Variants in CCDC80 observed in about 807,000 individuals in gnomAD.
CCDC80 encodes the protein coiled-coil domain containing 80.
Under a neutral mutation model 78.7 loss-of-function variants are expected in CCDC80, and 49 were observed. The observed-to-expected ratio is 0.62, with a 90% CI of 0.50 to 0.79. The LOEUF (loss-of-function observed/expected upper bound fraction) is 0.79. Ranked by LOEUF, CCDC80 falls within the 30% of genes least tolerant of loss-of-function variation. The pLI, the probability that CCDC80 is intolerant of heterozygous loss-of-function variation, is 0.00. For synonymous variants in CCDC80, 488 were observed against 447.0 expected (o/e 1.09, Z -1.16); for missense variants, 1,205 against 1,198.6 (o/e 1.01, Z -0.08).
chr3:112,610,703 C>T (rs1935605633), intron 5 of CCDC80, among the ~76,000 whole-genome samples: 1 of 111,564 alleles, frequency 9.0e-6, no homozygotes. Context: ...TATTAATAAG[C>T]GCCAATGCTT....
intron 4 of CCDC80, among the ~76,000 whole-genome samples, chr3:112,617,165 C>G (rs1427079122): frequency 1.3e-5 from 2 of 152,168 alleles, no homozygotes; most frequent in Non-Finnish European, 2.9e-5. Flanking sequence ...TGGGACTAAG[C>G]TGGTTCTTAT....
At chr3:112,622,526 G>A (rs1237692424) in intron 3 of CCDC80, among the ~76,000 whole-genome samples, 1 of 152,146 alleles carries the variant, frequency 6.6e-6, no homozygotes, top group Non-Finnish European at 1.5e-5. Context: ...CAGTGTTGAG[G>A]TTCTCTTTAG....
At position 112,638,911 on chromosome 3, in the gene CCDC80, C is replaced by T; in HGVS notation, c.995G>A (p.Arg332Lys). Residue 332 changes from arginine to lysine, a missense_variant, in exon 2 of 8, where the codon AGA (arginine) becomes AAA (lysine). Arg to Lys is a conservative substitution (Grantham distance 26). Transcript: ENST00000206423. ...PTRESRVKVLRKLAATAPALP... is the reference protein window; with the variant it reads ...PTRESRVKVLKKLAATAPALP... ...AGCTGGTGCAGTGGCGGCCAGTTTT[C>T]TCAGGACCTTCACCCGACTCTCTCT... The T allele has an allele frequency of 6.2e-7, 1 of 1,613,336 alleles. No individual in the cohort carries two copies.
chr3:112,630,625 T>G (rs553757844), intron 2 of CCDC80, among the ~76,000 whole-genome samples: 1 of 152,360 alleles, frequency 6.6e-6, no homozygotes, highest in South Asian at 2.1e-4. Flanking sequence ...AATGTTATTT[T>G]CCTTCCCTAA....
intron 3 of CCDC80, among the ~76,000 whole-genome samples, chr3:112,622,179 G>T (rs1003904321): frequency 6.6e-6 from 1 of 152,126 alleles, no homozygotes; most frequent in African/African-American, 2.4e-5. Flanking sequence ...AAGATTAAAG[G>T]CAAACTTTGC....
chr3:112,617,659 A>G (rs1417601663), intron 4 of CCDC80, among the ~76,000 whole-genome samples: 1 of 152,262 alleles, frequency 6.6e-6, no homozygotes, highest in Non-Finnish European at 1.5e-5. Flanking sequence ...AGATCCAGAA[A>G]TATGTTGCAT....
Position 112,607,175 on chromosome 3 carries a change from C to T in CCDC80, c.2506+1G>A. 1 of 1,605,422 alleles carries T rather than the reference C, an allele frequency of 6.2e-7. No individual in the cohort carries two copies. Among genetic ancestry groups the T allele is most frequent in the Non-Finnish European group, 8.5e-7 (1 of 1,173,600 alleles). ...ACTGTTTCAAGATAACAACACATTA[C>T]CATTAATTGGGAACAGTTCTAACAC... On this transcript the variant is annotated splice_donor_variant, in intron 7 of 7. Transcript: ENST00000206423. LOFTEE classifies it high-confidence loss of function.
chr3:112,609,320 C>T (rs778803804), intron 6 of CCDC80, among the ~76,000 whole-genome samples: 12 of 152,234 alleles, frequency 7.9e-5, no homozygotes, highest in Non-Finnish European at 1.5e-4. Context: ...GTAAATAAAG[C>T]ATATATTCGT....
Position 112,639,024 on chromosome 3 carries a change from C to T in CCDC80, c.882G>A (p.Gly294=). Residue 294 remains glycine, a synonymous_variant, in exon 2 of 8, where the codon GGG becomes GGA. Transcript: ENST00000206423. ...SGVEGQVVAE[G]NDGGGGAGRP... is the part of the protein sequence containing the mutation. The stretch of plus-strand genomic sequence containing the variant: ...TTCCTGCTCCCCCTCCACCGTCATT[C>T]CCCTCCGCCACCACCTGGCCCTCTA... 6.2e-7 allele frequency: 1 copy of T among 1,609,666 alleles called. No homozygotes were observed. Among genetic ancestry groups the T allele is most frequent in the South Asian group, 1.1e-5 (1 of 90,990 alleles).
At chr3:112,609,781 G>GA (rs146917711) in intron 6 of CCDC80, among the ~76,000 whole-genome samples, 197 bp downstream of exon 6, 17,812 of 150,612 alleles carry the variant, frequency 0.12, 1,164 homozygotes, top group South Asian at 0.26. Flanking sequence ...AATATTGAGG[G>GA]AAAAAAAAAT....
At position 112,638,718 on chromosome 3, in the gene CCDC80, G is replaced by C. The variant is rs1936267249; in HGVS notation, c.1188C>G (p.Pro396=). 6.2e-7 allele frequency: 1 copy of C among 1,613,852 alleles called. No individual in the cohort carries two copies. Among genetic ancestry groups the C allele is most frequent in the Admixed American group, 1.7e-5 (1 of 59,998 alleles). ...CAGTGATCACCTCAGTGGTTGTAGG[G>C]GGCCTGTGGGAGGGTGAGGGGGTCC... ...RPWTPSPSHR[P]PTTTEVITAR... Residue 396 remains proline, a synonymous_variant, in exon 2 of 8, where the codon CCC becomes CCG. Coordinates refer to ENST00000206423, the MANE Select transcript of CCDC80 (RefSeq NM_199511.3).
intron 2 of CCDC80, 89 bp from the exon 3 acceptor site, chr3:112,630,358 G>A (rs1008885039): frequency 7.8e-7 from 1 of 1,276,140 alleles, no homozygotes; most frequent in Admixed American, 1.7e-5. Flanking sequence ...GGAAGAGAGG[G>A]CTGGTAGTGA....
rs1331352983 is a variant in CCDC80 at position 112,638,023 on chromosome 3, C to T, written c.1878+5G>A. 1 of 1,588,988 alleles carries T rather than the reference C, an allele frequency of 6.3e-7. No homozygotes were observed. The highest frequency in any genetic ancestry group is 1.9e-5 in the Admixed American group (1 of 53,350). ...TAGAAGAATGCCAAGGAGAAGGCTACTTACAAGGAGTCTTCGTTTGCCTTC... is the reference window on the plus strand; with the variant it reads ...TAGAAGAATGCCAAGGAGAAGGCTATTTACAAGGAGTCTTCGTTTGCCTTC... On this transcript the variant is annotated splice_donor_5th_base_variant and intron_variant, in intron 2 of 7. Coordinates refer to ENST00000206423, the MANE Select transcript of CCDC80 (RefSeq NM_199511.3).
intron 3 of CCDC80, among the ~76,000 whole-genome samples, chr3:112,627,814 C>T (rs1278387968): frequency 6.6e-6 from 1 of 150,616 alleles, no homozygotes; most frequent in Non-Finnish European, 1.5e-5. Context: ...GTCCCGGCTA[C>T]CATTCAGTGA....
At position 112,630,131 on chromosome 3, in the gene CCDC80, T is replaced by C. The variant is rs367752855; in HGVS notation, c.2017A>G (p.Ile673Val). 3.0e-5 allele frequency: 49 copies of C among 1,613,740 alleles called. No homozygotes were observed. The highest frequency in any genetic ancestry group is 3.8e-5 in the Non-Finnish European group (45 of 1,179,834). ...FGPVNNSTMK[I>V]DHFQLDNEKP... ...AGAGAACCTAGCTGAAAGTGGTCGA[T>C]TTTCATGGTGCTGTTGTTGACAGGG... Residue 673 changes from isoleucine (I) to valine (V), a missense_variant, in exon 3 of 8, where the codon ATC becomes GTC. Ile to Val is a conservative substitution (Grantham distance 29). Transcript: ENST00000206423.
Position 112,639,804 on chromosome 3 carries a change from T to C in CCDC80, c.102A>G (p.Gly34=). 6.2e-7 allele frequency: 1 copy of C among 1,614,178 alleles called. No homozygotes were observed. Among genetic ancestry groups the C allele is most frequent in the Non-Finnish European group, 8.5e-7 (1 of 1,180,046 alleles). The change falls in exon 2 of 8, where the codon GGA becomes GGG. Residue 34 remains glycine, a synonymous_variant. Coordinates refer to ENST00000206423, the MANE Select transcript of CCDC80 (RefSeq NM_199511.3). ...GAGAAACCAAAGGCACTTTCCGTCCTCCGTGGCTGCCTCTAATAGTGGCAT... is the reference window on the plus strand; with the variant it reads ...GAGAAACCAAAGGCACTTTCCGTCCCCCGTGGCTGCCTCTAATAGTGGCAT... ...HPHATIRGSH[G]GRKVPLVSPD... is the part of the protein sequence containing the mutation.
chr3:112,627,492 T>C (rs1031135676), intron 3 of CCDC80, among the ~76,000 whole-genome samples: 10 of 152,210 alleles, frequency 6.6e-5, no homozygotes, highest in African/African-American at 2.4e-4. Context: ...GCCCACACTG[T>C]AGTTGGATGT....
At position 112,607,205 on chromosome 3, in the gene CCDC80, C is replaced by G; in HGVS notation, c.2477G>C (p.Gly826Ala). ...AATTGGGAACAGTTCTAACACTCCCCCAACTTCCTCTCCAACGCCTAAAAG... is the reference window on the plus strand; with the variant it reads ...AATTGGGAACAGTTCTAACACTCCCGCAACTTCCTCTCCAACGCCTAAAAG... ...LKLLGVGEEVGGVLELFPING... is the reference protein window; with the variant it reads ...LKLLGVGEEVAGVLELFPING... The change falls in exon 7 of 8, where the codon GGG becomes GCG. Residue 826 changes from glycine (G) to alanine (A), a missense_variant. Gly to Ala is a moderately conservative substitution (Grantham distance 60, BLOSUM62 0). Coordinates refer to ENST00000206423, the MANE Select transcript of CCDC80 (RefSeq NM_199511.3). 1.2e-6 allele frequency: 2 copies of G among 1,613,874 alleles called. No homozygotes were observed. The highest frequency in any genetic ancestry group is 1.6e-4 in the Middle Eastern group (1 of 6,062).
intron 2 of CCDC80, among the ~76,000 whole-genome samples, chr3:112,632,519 C>A (rs556628254): frequency 6.6e-6 from 1 of 152,256 alleles, no homozygotes; most frequent in Non-Finnish European, 1.5e-5. Context: ...TAGACCCTTA[C>A]AATCTGTGGA....
Sources: allele counts gnomAD v4.1 joint callset (sites outside exome capture counted in the v4.1 genomes callset), GRCh38; gene constraint gnomAD v4.1.1; transcripts MANE v1.5; gene names NCBI Gene and HGNC (gene_info 2026-07-23, HGNC 2026-07-21).